PIH1D2: variants seen among roughly 807,000 people sequenced by gnomAD.
PIH1D2 encodes PIH1 domain containing 2.
Under a neutral mutation model 31.2 loss-of-function variants are expected in PIH1D2, and 25 were observed. The ratio of observed to expected loss-of-function variants is 0.80; its 90% CI spans 0.58 to 1.12. The LOEUF is 1.12. Among genes scored for constraint, PIH1D2 ranks in the 50% most tolerant of loss-of-function variants. The pLI is 0.00. For synonymous variants in PIH1D2, 116 were observed against 119.9 expected (o/e 0.97, Z 0.21); for missense variants, 310 against 356.6 (o/e 0.87, Z 1.05).
downstream of PIH1D2, among the ~76,000 whole-genome samples, chr11:112,065,966 C>A (rs1462095820): frequency 6.6e-6 from 1 of 151,844 alleles, no homozygotes; most frequent in Non-Finnish European, 1.5e-5. Context: ...CCACTGCACT[C>A]CAGCCTGGGT....
downstream of PIH1D2, among the ~76,000 whole-genome samples, chr11:112,060,791 C>T (rs782269009): frequency 2.6e-5 from 4 of 152,032 alleles, no homozygotes; most frequent in African/African-American, 4.8e-5. Flanking sequence ...ATTGACACAC[C>T]GTTCTGAAAA....
At chr11:112,069,401 T>G (rs1462018137) in intron 5 of PIH1D2, among the ~76,000 whole-genome samples, 1 of 152,140 alleles carries the variant, frequency 6.6e-6, no homozygotes, top group African/African-American at 2.4e-5. Context: ...TCTTGAAATA[T>G]GGGCAATGTC....
At position 112,073,159 on chromosome 11, in the gene PIH1D2, T is replaced by C. The variant is rs1278581227; in HGVS notation, c.16A>G (p.Lys6Glu). The change falls in exon 2 of 6, where the codon AAA (lysine) becomes GAA (glutamate). Residue 6 changes from lysine (K) to glutamate (E), a missense_variant. Physicochemically the swap from Lys to Glu is moderately conservative, Grantham distance 56. Transcript: ENST00000280350. ...TGAGTAACTTGGGTAAGCAGACCTTTTGAGGATGTCTCCATGACTTATGAG... is the reference window on the plus strand; with the variant it reads ...TGAGTAACTTGGGTAAGCAGACCTTCTGAGGATGTCTCCATGACTTATGAG... METSS[K>E]GLLTQVTQFW... 46 of 1,612,276 alleles carry C rather than the reference T, an allele frequency of 2.9e-5. No homozygotes were observed. The highest frequency in any genetic ancestry group is 3.8e-5 in the Non-Finnish European group (45 of 1,178,772).
intron 5 of PIH1D2, among the ~76,000 whole-genome samples, chr11:112,069,477 G>A (rs1227029099): frequency 6.6e-6 from 1 of 152,100 alleles, no homozygotes; most frequent in Non-Finnish European, 1.5e-5. Flanking sequence ...AAAAGAAACT[G>A]CCTTCAAAAT....
At chr11:112,059,353 CTT>C (rs1229235062), downstream of PIH1D2, among the ~76,000 whole-genome samples, 17 of 130,594 alleles carry the variant, frequency 1.3e-4, no homozygotes, top group Non-Finnish European at 1.2e-4. Flanking sequence ...ATTTCTCATT[CTT>C]TTTTTTTTTT....
chr11:112,064,516 A>C, downstream of PIH1D2: 1 of 276,500 alleles, frequency 3.6e-6, no homozygotes. Context: ...AATTGGCAAA[A>C]TATGGACTAC....
downstream of PIH1D2, among the ~76,000 whole-genome samples, chr11:112,064,954 C>T (rs1308498402): frequency 1.3e-5 from 2 of 151,372 alleles, no homozygotes; most frequent in Non-Finnish European, 2.9e-5. Context: ...GATTCTCCTG[C>T]CTCAGTCTCC....
downstream of PIH1D2, chr11:112,061,572 GT>G (rs587621837): frequency 4.0e-4 from 79 of 195,150 alleles, 1 homozygote; most frequent in South Asian, 6.2e-3. Flanking sequence ...GAGTATCAGT[GT>G]TTTTTTTGTT....
rs1555184466 is a variant in PIH1D2 at position 112,070,702 on chromosome 11, C to T, written c.548-1G>A. 6.2e-7 allele frequency: 1 copy of T among 1,603,004 alleles called. No homozygotes were observed. ...CTTCGTATCTGTCCAAGAGTTAGTT[C>T]TTTATGAAAAAAAGGGTGGAGGGGA... On this transcript the variant is annotated splice_acceptor_variant, in intron 4 of 5. Coordinates refer to ENST00000280350, the MANE Select transcript of PIH1D2 (RefSeq NM_138789.4). LOFTEE classifies it high-confidence loss of function.
chr11:112,060,913 A>C, downstream of PIH1D2: 404 of 671,956 alleles, frequency 6.0e-4, no homozygotes, highest in Non-Finnish European at 8.2e-4. Flanking sequence ...AGTAATGTGT[A>C]TTCCATTCAG....
At chr11:112,058,078 T>G in the PIH1D2 span, among the ~76,000 whole-genome samples, 1 of 152,184 alleles carries the variant, frequency 6.6e-6, no homozygotes, top group Admixed American at 6.5e-5. Flanking sequence ...AAGATATTTC[T>G]ATACTTAGAT....
chr11:112,071,626 T>G lies in PIH1D2; in HGVS notation c.301+9A>C. On this transcript the variant is annotated intron_variant, in intron 3 of 5. Transcript: ENST00000280350. ...TTTTTACAATGTGCTTTCTCTCAAT[T>G]ATTTGTACCTGATATCTCAGTTGTA... The G allele has an allele frequency of 6.2e-7, 1 of 1,611,830 alleles. No individual in the cohort carries two copies. The highest frequency in any genetic ancestry group is 8.5e-7 in the Non-Finnish European group (1 of 1,178,550).
rs1417087236 is a variant in PIH1D2 at position 112,070,451 on chromosome 11, G to T, written c.798C>A (p.Asp266Glu). The T allele has an allele frequency of 5.0e-6, 8 of 1,613,716 alleles. No individual in the cohort carries two copies. The East Asian group carries it at 6.7e-5, about 13-fold the overall frequency. ...LPGINSVSLC[D>E]LSVSEDDLLI... is the part of the protein sequence containing the mutation. ...TTCAACTTACCTCAGAAACACTAAG[G>T]TCACAGAGAGAGACAGAATTAATAC... Residue 266 changes from aspartate (D) to glutamate (E), a missense_variant, in exon 5 of 6, where the codon GAC (aspartate) becomes GAA (glutamate). Physicochemically the swap from Asp to Glu is conservative, Grantham distance 45. Transcript: ENST00000280350.
chr11:112,057,672 G>A, the PIH1D2 span, among the ~76,000 whole-genome samples: 1 of 152,210 alleles, frequency 6.6e-6, no homozygotes, highest in Non-Finnish European at 1.5e-5. Flanking sequence ...CGTAACAGAA[G>A]TTTGAGGCTA....
chr11:112,064,034 T>G, downstream of PIH1D2: 2 of 738,240 alleles, frequency 2.7e-6, no homozygotes, highest in Non-Finnish European at 4.2e-6. Flanking sequence ...ACTTTTACCT[T>G]GCTGTATTAT....
chr11:112,072,108 CA>C (rs1555184770), intron 2 of PIH1D2, among the ~76,000 whole-genome samples: 2 of 151,912 alleles, frequency 1.3e-5, no homozygotes, highest in African/African-American at 4.8e-5. Context: ...AAAACAAAAA[CA>C]AAAACATTTA....
rs1164293992 is a variant in PIH1D2 at position 112,072,889 on chromosome 11, CA to C, written c.177+108del. 9.3e-4 allele frequency: 823 copies of C among 883,614 alleles called. 2 individuals are homozygous for C. The highest frequency in any genetic ancestry group is 2.4e-3 in the South Asian group (88 of 36,056). The allele number at this position is 883,614 out of a possible 1,614,324, so 54.7% of individuals were successfully genotyped here. On this transcript the variant is annotated intron_variant, in intron 2 of 5. Coordinates refer to ENST00000280350, the MANE Select transcript of PIH1D2 (RefSeq NM_138789.4). ...AAAAACAAAACAAAACAAAACAAAACAAAAAAAAAACAAAAAAAATTAGCAA... is the reference window on the plus strand; with the variant it reads ...AAAAACAAAACAAAACAAAACAAAACAAAAAAAAACAAAAAAAATTAGCAA...
At chr11:112,055,963 G>T in the PIH1D2 span, among the ~76,000 whole-genome samples, 1 of 140,228 alleles carries the variant, frequency 7.1e-6, no homozygotes, top group Non-Finnish European at 1.5e-5. Flanking sequence ...CGCCTCCCGG[G>T]TTCAAGCGAT....
At chr11:112,060,744 G>A (rs1178442660), downstream of PIH1D2, among the ~76,000 whole-genome samples, 1 of 152,170 alleles carries the variant, frequency 6.6e-6, no homozygotes, top group Non-Finnish European at 1.5e-5. Context: ...GGGATTACAG[G>A]TGTGAGCCAC....
Sources: gnomAD v4.1 joint callset for allele counts (sites outside exome capture counted in the v4.1 genomes callset) on GRCh38, gnomAD v4.1.1 for gene constraint, MANE v1.5 for transcripts, NCBI Gene and HGNC (gene_info 2026-07-23, HGNC 2026-07-21) for gene names.